The following ACSS2 variants were observed in gnomAD, a reference collection of about 807,000 sequenced individuals.
ACSS2 encodes acetyl-coenzyme A synthetase, cytoplasmic.
In ACSS2, 58 loss-of-function variants were observed where a neutral mutation model predicts 90.6. The ratio of observed to expected loss-of-function variants is 0.64; its 90% confidence interval spans 0.52 to 0.80. ACSS2 has a LOEUF of 0.80. Among genes scored for constraint, ACSS2 ranks in the 30% least tolerant of loss-of-function variants. ACSS2 has a pLI of 0.00. For synonymous variants in ACSS2, 300 were observed against 330.9 expected (o/e 0.91, Z 1.01); for missense variants, 759 against 912.0 (o/e 0.83, Z 2.16).
At chr20:34,906,551 G>A (rs1357467378) in intron 2 of ACSS2, among the ~76,000 whole-genome samples, 1 of 152,140 alleles carries the variant, frequency 6.6e-6, no homozygotes, top group Non-Finnish European at 1.5e-5. Flanking sequence ...GTGTGTGTGT[G>A]TGTGTGTGTT....
intron 14 of ACSS2, among the ~76,000 whole-genome samples, chr20:34,925,354 C>T (rs2081294294): frequency 6.6e-6 from 1 of 152,178 alleles, no homozygotes; most frequent in South Asian, 2.1e-4. Flanking sequence ...CTACTCAATA[C>T]ATGGCAGCTA....
At position 34,908,214 on chromosome 20, in the gene ACSS2, G is replaced by C. The variant is rs573319870; in HGVS notation, c.375-4882G>C. Among the ~76,000 whole-genome samples, 4 of 152,198 alleles carry C rather than the reference G, an allele frequency of 2.6e-5. 1 individual carries two copies. The highest frequency in any genetic ancestry group is 4.4e-5 in the Non-Finnish European group (3 of 68,036). On this transcript the variant is annotated intron_variant, in intron 2 of 17. Transcript: ENST00000360596. The stretch of plus-strand genomic sequence containing the variant: ...CAGGGGCAATGATGTGGCCAAAAGC[G>C]TGGAGGTGGACCTGAACTTGCCAAG...
intron 2 of ACSS2, among the ~76,000 whole-genome samples, chr20:34,907,880 C>T (rs79884423): frequency 5.3e-5 from 8 of 152,286 alleles, no homozygotes; most frequent in African/African-American, 1.7e-4. Flanking sequence ...ACTGACTCAT[C>T]GAGCCAGGAA....
rs755710650 is a variant in ACSS2, at chr20:34,876,630, C to T, written c.-16C>T. The T allele has an allele frequency of 1.5e-6, 2 of 1,330,486 alleles. No homozygotes were observed. The highest frequency in any genetic ancestry group is 1.9e-6 in the Non-Finnish European group (2 of 1,033,962). The allele number at this position is 1,330,486 out of a possible 1,614,324, so 82.4% of individuals were successfully genotyped here. On this transcript the variant is annotated 5_prime_UTR_variant, in exon 1 of 18. Coordinates refer to ENST00000360596, the MANE Select transcript of ACSS2 (RefSeq NM_018677.4). ...CGCGACCGCAAAGGCGGCCGCGGTT[C>T]TAGGAACTTGACGTGATGGGGCTTC...
chr20:34,926,624 C>CTCACTGCTAGAAAGGTGG (rs2081324185), intron 16 of ACSS2, among the ~76,000 whole-genome samples: 6 of 152,158 alleles, frequency 3.9e-5, no homozygotes, highest in Non-Finnish European at 8.8e-5. Flanking sequence ...AAATCACTTG[C>CTCACTGCTAGAAAGGTGG]CCAAGGCCAC....
chr20:34,888,124 C>T (rs1392083287), intron 2 of ACSS2, among the ~76,000 whole-genome samples: 1 of 144,296 alleles, frequency 6.9e-6, no homozygotes, highest in Non-Finnish European at 1.5e-5. Flanking sequence ...CTGCAAAGAG[C>T]TACTTACACA....
chr20:34,919,161 G>A (rs2076667), intron 7 of ACSS2, among the ~76,000 whole-genome samples: 82,275 of 151,900 alleles, frequency 0.54, 23,017 homozygotes, highest in South Asian at 0.73. Flanking sequence ...ATTGAAGGAT[G>A]GGAAGGGACC....
intron 5 of ACSS2, 84 bp downstream of exon 5, chr20:34,913,909 C>T: frequency 6.8e-7 from 1 of 1,462,590 alleles, no homozygotes; most frequent in Admixed American, 1.7e-5. Flanking sequence ...TTTGGGGCTA[C>T]TCAGCATAGA....
chr20:34,891,484 A>G, intron 2 of ACSS2, among the ~76,000 whole-genome samples: 1 of 152,074 alleles, frequency 6.6e-6, no homozygotes, highest in East Asian at 1.9e-4. Context: ...TTGTTTATTT[A>G]TTTATTTATT....
At chr20:34,903,363 C>T (rs2080717597) in intron 2 of ACSS2, among the ~76,000 whole-genome samples, 1 of 146,652 alleles carries the variant, frequency 6.8e-6, no homozygotes, top group Non-Finnish European at 1.5e-5. Flanking sequence ...AAAAAGATCA[C>T]AGATCATGCT....
chr20:34,876,295 C>A (rs1048515318), upstream of ACSS2: 1 of 214,438 alleles, frequency 4.7e-6, no homozygotes, highest in Non-Finnish European at 9.2e-6. Flanking sequence ...CTCTCCTGTC[C>A]CGCCTGGCCC....
Position 34,914,103 on chromosome 20 carries a change from CTA to C in ACSS2, c.652_653del (p.Tyr218GlnfsTer13). On this transcript the variant is annotated frameshift_variant, in exon 6 of 18. Coordinates refer to ENST00000360596, the MANE Select transcript of ACSS2 (RefSeq NM_018677.4). LOFTEE classifies it high-confidence loss of function. The stretch of plus-strand genomic sequence containing the variant: ...GTCTGTTGCTCCCCAAAGATGCCTT[CTA>C]CAGGGGGGAAAAGCTTGTGAACCTG... ...CSLLITTDAF[Y>X]RGEKLVNLKE... 6.2e-7 allele frequency: 1 copy of C among 1,614,160 alleles called. No homozygotes were observed. Among genetic ancestry groups the C allele is most frequent in the Non-Finnish European group, 8.5e-7 (1 of 1,180,014 alleles).
Position 34,876,793 on chromosome 20 carries a change from C to T in ACSS2, c.148C>T (p.Leu50=). 4.5e-6 allele frequency: 6 copies of T among 1,336,570 alleles called. No homozygotes were observed. Among genetic ancestry groups the T allele is most frequent in the Non-Finnish European group, 5.8e-6 (6 of 1,038,100 alleles). The allele number at this position is 1,336,570 out of a possible 1,614,324, so 82.8% of individuals were successfully genotyped here. ...HVPSLQRYRE[L]HRRSVEEPRE... ...CCCCTCGCTGCAGCGCTACCGCGAG[C>T]TGCACCGGCGCTCCGTGGAGGAGCC... The change falls in exon 1 of 18, where the codon CTG becomes TTG. Residue 50 remains leucine (L), a synonymous_variant. Coordinates refer to ENST00000360596, the MANE Select transcript of ACSS2 (RefSeq NM_018677.4).
intron 9 of ACSS2, 103 bp downstream of exon 9, chr20:34,920,812 C>A: frequency 6.8e-7 from 1 of 1,473,722 alleles, no homozygotes; most frequent in Admixed American, 2.0e-5. Flanking sequence ...CTTATACAAT[C>A]ATCTGTTTTC....
In ACSS2 at chr20:34,921,877, G is replaced by C; in HGVS notation, c.1548+11G>C. ...GCTGAAGGTTATCTGGTGAGGCCCT[G>C]GCCCTTGGGAGTCTTTAAGGAGAGA... On this transcript the variant is annotated intron_variant, in intron 13 of 17. Coordinates refer to ENST00000360596, the MANE Select transcript of ACSS2 (RefSeq NM_018677.4). 6.2e-7 allele frequency: 1 copy of C among 1,609,398 alleles called. No homozygotes were observed. Among genetic ancestry groups the C allele is most frequent in the Admixed American group, 1.7e-5 (1 of 58,468 alleles).
rs570246870 is a variant in ACSS2, at chr20:34,884,761, A to G, written c.374+1772A>G. On this transcript the variant is annotated intron_variant, in intron 2 of 17. Transcript: ENST00000360596. ...GCTCTTTAAAGATCAGAAAACCTTTAAAGATCTTCAAAGGAGGCCGGGCAT... is the reference window on the plus strand; with the variant it reads ...GCTCTTTAAAGATCAGAAAACCTTTGAAGATCTTCAAAGGAGGCCGGGCAT... Among the ~76,000 whole-genome samples, 26 of 152,302 alleles carry G rather than the reference A, an allele frequency of 1.7e-4. 1 individual carries two copies. In the South Asian group the frequency reaches 5.4e-3, roughly 32 times the overall value.
At position 34,926,942 on chromosome 20, in the gene ACSS2, A is replaced by C. The variant is rs977249507; in HGVS notation, c.1969A>C (p.Thr657Pro). 2.5e-6 allele frequency: 4 copies of C among 1,613,838 alleles called. No homozygotes were observed. The highest frequency in any genetic ancestry group is 3.4e-6 in the Non-Finnish European group (4 of 1,179,996). The change falls in exon 17 of 18, where the codon ACC (threonine) becomes CCC (proline). Residue 657 changes from threonine (T) to proline (P), a missense_variant. Transcript: ENST00000360596. Reference sequence around the variant, plus strand: ...CCAGAATGCACCTGGCTTGCCTAAAACCCGCTCAGGTATGTTCAGAGGCCT... The same window carrying C: ...CCAGAATGCACCTGGCTTGCCTAAACCCCGCTCAGGTATGTTCAGAGGCCT... ...YIQNAPGLPK[T>P]RSGKIMRRVL... is the part of the protein sequence containing the mutation.
chr20:34,906,320 G>A lies in ACSS2; in HGVS notation c.375-6776G>A, dbSNP rs149855333. On this transcript the variant is annotated intron_variant, in intron 2 of 17. Coordinates refer to ENST00000360596, the MANE Select transcript of ACSS2 (RefSeq NM_018677.4). ...ACTGCACTCCAGCCTGGGTAACAGA[G>A]CAAGACTCCGTCTCAAAAAAAAAAA... 7.5e-3 allele frequency among the ~76,000 whole-genome samples: 1,063 copies of A among 140,892 alleles called. 10 individuals are homozygous for A. The highest frequency in any genetic ancestry group is 0.029 in the African/African-American group (1,004 of 34,866). 92.4% of individuals were successfully genotyped at this position (140,892 alleles called of 152,430 possible).
At chr20:34,926,389 A>G in intron 16 of ACSS2, 108 bp downstream of exon 16, 1 of 1,293,746 alleles carries the variant, frequency 7.7e-7, no homozygotes, top group Admixed American at 2.6e-5. Flanking sequence ...AACCACAAAC[A>G]GATTCCAGGG....
Sources: gnomAD v4.1 joint callset for allele counts (sites outside exome capture counted in the v4.1 genomes callset) on GRCh38, gnomAD v4.1.1 for gene constraint, MANE v1.5 for transcripts, NCBI Gene and HGNC (gene_info 2026-07-23, HGNC 2026-07-21) for gene names.